THAP6: variants seen among roughly 807,000 people sequenced by gnomAD.
THAP6 encodes the protein THAP domain containing 6, also known as THAP domain-containing protein 6.
In THAP6, 13 loss-of-function variants were observed where a neutral mutation model predicts 20.0. The observed-to-expected ratio is 0.65, with a 90% CI of 0.42 to 1.03. The LOEUF (loss-of-function observed/expected upper bound fraction) is 1.03, where lower values mean the gene tolerates loss of function less well. Ranked by LOEUF, THAP6 falls within the 50% of genes least tolerant of loss-of-function variation. The probability of loss-of-function intolerance (pLI) is 0.00; values close to 1 mark genes in which losing one functional copy is unlikely to be tolerated. For missense variants in THAP6, 262 were observed against 261.6 expected (o/e 1.00, Z -0.01); for synonymous variants, 93 against 92.2 (o/e 1.01, Z -0.05).
rs542882857 is a variant in THAP6, at chr4:75,545,073, T to C, written c.243+2587T>C. On this transcript the variant is annotated intron_variant, in intron 3 of 4. Coordinates refer to the THAP6 transcript ENST00000502620. ...GGGGATGACAATAGTAACTACCTCATTGGGTTGTTTTAAGAATTACATGAC... is the reference window on the plus strand; with the variant it reads ...GGGGATGACAATAGTAACTACCTCACTGGGTTGTTTTAAGAATTACATGAC... Among the ~76,000 whole-genome samples, 201 of 152,268 alleles carry C rather than the reference T, an allele frequency of 1.3e-3. 1 individual carries two copies. The highest frequency in any genetic ancestry group is 4.6e-3 in the African/African-American group (193 of 41,556).
intron 2 of THAP6, chr4:75,542,303 A>C (rs1727025983): frequency 1.6e-6 from 1 of 616,468 alleles, no homozygotes; most frequent in South Asian, 1.9e-5. Flanking sequence ...CAGAAAACTA[A>C]AGAACGTGAC....
At chr4:75,514,317 C>T (rs1725321924), upstream of THAP6, 1 of 1,598,970 alleles carries the variant, frequency 6.3e-7, no homozygotes, top group African/African-American at 1.3e-5. Flanking sequence ...TTCCACCGAT[C>T]CTTCCCCCAG....
rs1726445645 is a variant in THAP6, at chr4:75,527,336, A to T, written c.*122A>T. On this transcript the variant is annotated 3_prime_UTR_variant, in exon 5 of 5. Coordinates refer to ENST00000311638, the MANE Select transcript of THAP6 (RefSeq NM_144721.6). Reference sequence around the variant, plus strand: ...GCTGCTTTGGATTCTCTGGAGCATTATGCATTATAGTTGTTATCCAAAGAC... The same window carrying T: ...GCTGCTTTGGATTCTCTGGAGCATTTTGCATTATAGTTGTTATCCAAAGAC... 28 of 1,495,162 alleles carry T rather than the reference A, an allele frequency of 1.9e-5. No homozygotes were observed. The highest frequency in any genetic ancestry group is 2.5e-5 in the Non-Finnish European group (28 of 1,124,592). The allele number at this position is 1,495,162 out of a possible 1,614,324, so 92.6% of individuals were successfully genotyped here.
rs1282512383 is a variant in THAP6 at position 75,528,410 on chromosome 4, G to C, written c.*1196G>C. 3 of 985,296 alleles carry C rather than the reference G, an allele frequency of 3.0e-6. No homozygotes were observed. The highest frequency in any genetic ancestry group is 6.1e-5 in the Admixed American group (1 of 16,262). The allele number at this position is 985,296 out of a possible 1,614,324, so 61.0% of individuals were successfully genotyped here. On this transcript the variant is annotated 3_prime_UTR_variant, in exon 5 of 5. Transcript: ENST00000311638. ...ATTTGCCAAAGCAACACTCTACTTA[G>C]AAGCACATGTACATACATGGACCTC...
Position 75,527,530 on chromosome 4 carries a change from T to A in THAP6, c.*316T>A. 1 of 1,113,638 alleles carries A rather than the reference T, an allele frequency of 9.0e-7. No homozygotes were observed. The allele number at this position is 1,113,638 out of a possible 1,614,324, so 69.0% of individuals were successfully genotyped here. On this transcript the variant is annotated 3_prime_UTR_variant, in exon 5 of 5. Transcript: ENST00000311638. Reference sequence around the variant, plus strand: ...TCAAATTAGTCACATTAAGCTATAGTAGAAGGAATTGGACACTTCTCCAGA... The same window carrying A: ...TCAAATTAGTCACATTAAGCTATAGAAGAAGGAATTGGACACTTCTCCAGA...
intron 4 of THAP6, 100 bp from the exon 5 acceptor site, chr4:75,526,860 C>T (rs1726404815): frequency 1.3e-6 from 2 of 1,482,902 alleles, no homozygotes; most frequent in Admixed American, 2.5e-5. Flanking sequence ...TAAAAATGTT[C>T]TCCAGGCATT....
downstream of THAP6, among the ~76,000 whole-genome samples, chr4:75,530,822 C>T (rs1042083688): frequency 6.6e-6 from 1 of 152,186 alleles, no homozygotes; most frequent in African/African-American, 2.4e-5. Flanking sequence ...GTAATCAGGG[C>T]TACTCGTTGG....
upstream of THAP6, chr4:75,514,272 G>A (rs1725308942): frequency 1.2e-6 from 2 of 1,612,336 alleles, no homozygotes; most frequent in Non-Finnish European, 8.5e-7. Context: ...CATCTTCCCG[G>A]GCCGTCGCCG....
chr4:75,515,477 G>A lies in THAP6; in HGVS notation c.25G>A (p.Gly9Arg), dbSNP rs1402428907. MVKCCSAI[G>R]CASRCLPNSK... ...AATGGTGAAATGCTGCTCCGCCATT[G>A]GATGTGCTTCTCGCTGCTTGCCAAA... Residue 9 changes from glycine (G) to arginine (R), a missense_variant, in exon 2 of 5, where the codon GGA becomes AGA. By Grantham distance (125) the Gly-to-Arg change is moderately radical. Coordinates refer to ENST00000311638, the MANE Select transcript of THAP6 (RefSeq NM_144721.6). The A allele has an allele frequency of 6.2e-7, 1 of 1,614,006 alleles. No homozygotes were observed. The highest frequency in any genetic ancestry group is 2.2e-5 in the East Asian group (1 of 44,864).
In THAP6 at chr4:75,527,150, A is replaced by C. The variant is rs1180329123; in HGVS notation, c.605A>C (p.Asn202Thr). The C allele has an allele frequency of 1.9e-5, 31 of 1,614,166 alleles. No individual in the cohort carries two copies. The East Asian group carries it at 6.9e-4, about 36-fold the overall frequency. ...DECLISQETANRLDTFCWDCC... is the reference protein window; with the variant it reads ...DECLISQETATRLDTFCWDCC... The stretch of plus-strand genomic sequence containing the variant: ...TGTCTGATCAGCCAAGAAACAGCAA[A>C]TAGACTGGACACTTTCTGTTGGGAC... The change falls in exon 5 of 5, where the codon AAT becomes ACT. Residue 202 changes from asparagine to threonine, a missense_variant. Physicochemically the swap from Asn to Thr is moderately conservative, Grantham distance 65. Coordinates refer to ENST00000311638, the MANE Select transcript of THAP6 (RefSeq NM_144721.6).
At position 75,515,478 on chromosome 4, in the gene THAP6, G is replaced by C. The variant is rs1725517783; in HGVS notation, c.26G>C (p.Gly9Ala). The change falls in exon 2 of 5, where the codon GGA becomes GCA. Residue 9 changes from glycine to alanine, a missense_variant. Gly to Ala is a moderately conservative substitution (Grantham distance 60). Coordinates refer to ENST00000311638, the MANE Select transcript of THAP6 (RefSeq NM_144721.6). MVKCCSAI[G>A]CASRCLPNSK... ...ATGGTGAAATGCTGCTCCGCCATTG[G>C]ATGTGCTTCTCGCTGCTTGCCAAAT... is the stretch of plus-strand genomic sequence containing the variant. The C allele has an allele frequency of 3.1e-6, 5 of 1,613,888 alleles. No homozygotes were observed. Among genetic ancestry groups the C allele is most frequent in the Non-Finnish European group, 4.2e-6 (5 of 1,179,884 alleles).
In THAP6 at chr4:75,528,498, A is replaced by C. The variant is rs564824140; in HGVS notation, c.*1284A>C. The C allele has an allele frequency of 6.1e-6, 6 of 985,220 alleles. No individual in the cohort carries two copies. The highest frequency in any genetic ancestry group is 7.2e-6 in the Non-Finnish European group (6 of 829,840). 61.0% of individuals were successfully genotyped at this position (985,220 alleles called of 1,614,324 possible). A position where few individuals can be genotyped will look rare whatever the true frequency, so the allele number is the denominator to read the frequency against. On this transcript the variant is annotated 3_prime_UTR_variant, in exon 5 of 5. Transcript: ENST00000311638. ...ATCAGCCATTTCATTGTAGTAACAA[A>C]AATTGAATTGCATTTTGTGCTCAGT... is the stretch of plus-strand genomic sequence containing the variant.
At chr4:75,525,335 C>G (rs1320868893) in intron 4 of THAP6, among the ~76,000 whole-genome samples, 1 of 152,022 alleles carries the variant, frequency 6.6e-6, no homozygotes, top group Non-Finnish European at 1.5e-5. Flanking sequence ...CTCCTTTTCT[C>G]TCTGTAGTCC....
intron 1 of THAP6, chr4:75,514,849 A>G (rs1050802965): frequency 1.9e-5 from 3 of 157,466 alleles, no homozygotes; most frequent in African/African-American, 4.8e-5. Flanking sequence ...CAAAATATGT[A>G]CTGACATTCA....
chr4:75,532,736 A>T (rs781103388), downstream of THAP6, among the ~76,000 whole-genome samples: 2 of 152,206 alleles, frequency 1.3e-5, no homozygotes, highest in South Asian at 4.1e-4. Context: ...TCAACATCAT[A>T]TGGAAGCTGC....
chr4:75,529,827 A>C lies in THAP6; in HGVS notation c.*2613A>C, dbSNP rs951170975. The C allele has an allele frequency of 8.1e-6, 8 of 985,244 alleles. No individual in the cohort carries two copies. The South Asian group carries it at 3.3e-4, about 40-fold the overall frequency. The allele number at this position is 985,244 out of a possible 1,614,324, so 61.0% of individuals were successfully genotyped here. On this transcript the variant is annotated 3_prime_UTR_variant, in exon 5 of 5. Coordinates refer to ENST00000311638, the MANE Select transcript of THAP6 (RefSeq NM_144721.6). The stretch of plus-strand genomic sequence containing the variant: ...CGCTTGATACGTGGAATTTTTCTCT[A>C]TATCAAGTTTAAATTTCTGGAAATA...
chr4:75,515,629 G>A (rs540204367), intron 2 of THAP6, 97 bp downstream of exon 2: 13 of 1,149,976 alleles, frequency 1.1e-5, no homozygotes, highest in Non-Finnish European at 1.7e-5. Context: ...TTTAGTTCCC[G>A]AGTCCTTTTT....
chr4:75,540,799 A>G lies in THAP6; in HGVS notation c.166-1610A>G, dbSNP rs1578283438. Among the ~76,000 whole-genome samples, 3 of 152,226 alleles carry G rather than the reference A, an allele frequency of 2.0e-5. No individual in the cohort carries two copies. In the East Asian group the frequency reaches 5.8e-4, roughly 29 times the overall value. On this transcript the variant is annotated intron_variant, in intron 2 of 4. Transcript: ENST00000502620. ...TTAAACAGGTAGATTTTATAACGGT[A>G]TAAAATGTTGCCAGGCTACACAGCT... is the stretch of plus-strand genomic sequence containing the variant.
chr4:75,522,144 A>G (rs1464973622), intron 4 of THAP6: 3 of 406,348 alleles, frequency 7.4e-6, no homozygotes, highest in Non-Finnish European at 1.3e-5. Context: ...TTCCGTATGA[A>G]ATATGTAATA....
Sources: allele counts gnomAD v4.1 joint callset (sites outside exome capture counted in the v4.1 genomes callset), GRCh38; gene constraint gnomAD v4.1.1; transcripts MANE v1.5; gene names NCBI Gene and HGNC (gene_info 2026-07-23, HGNC 2026-07-21).